HYDIN: variants seen among roughly 807,000 people sequenced by gnomAD.
The protein encoded by HYDIN is axonemal central pair apparatus protein HYDIN.
HYDIN carries 132 observed loss-of-function variants against 403.9 expected under a neutral mutation model. That is an observed-to-expected ratio of 0.33 (90% CI 0.28 to 0.38). The LOEUF (loss-of-function observed/expected upper bound fraction) is 0.38. Among genes scored for constraint, HYDIN ranks in the 10% least tolerant of loss-of-function variants. The pLI is 1.00. For missense variants in HYDIN, 2,827 were observed against 5,009.5 expected (o/e 0.56, Z 13.15); for synonymous variants, 1,202 against 1,891.7 (o/e 0.64, Z 9.46).
chr16:71,219,172 T>C (rs1407675621), intron 1 of HYDIN, among the ~76,000 whole-genome samples: 2 of 152,286 alleles, frequency 1.3e-5, no homozygotes, highest in South Asian at 4.1e-4. Flanking sequence ...TTAGGCAAAG[T>C]TGTTTAACTT....
rs1567633537 is a variant in HYDIN at position 70,807,897 on chromosome 16, GGGGGATGA to G, written c.15041_15048del (p.Ile5014ThrfsTer42). On this transcript the variant is annotated frameshift_variant, in exon 86 of 86. Coordinates refer to ENST00000393567, the MANE Select transcript of HYDIN (RefSeq NM_001270974.2). LOFTEE classifies it high-confidence loss of function. ...TTGGGAGGCAGAGCCATTCCAAAGA[GGGGGATGA>G]TATACTCTCCACCTGCGAGCGATGA... 21 of 1,614,180 alleles carry G rather than the reference GGGGGATGA, an allele frequency of 1.3e-5. No homozygotes were observed. The highest frequency in any genetic ancestry group is 1.4e-5 in the Non-Finnish European group (17 of 1,180,026).
chr16:71,106,402 T>C (rs899382984), intron 10 of HYDIN, among the ~76,000 whole-genome samples: 12 of 152,180 alleles, frequency 7.9e-5, no homozygotes, highest in African/African-American at 2.9e-4. Flanking sequence ...GCCTGAGCTG[T>C]GTACCTTGTA....
intron 60 of HYDIN, among the ~76,000 whole-genome samples, chr16:70,880,996 C>T (rs1337567515): frequency 4.0e-5 from 6 of 148,314 alleles, no homozygotes; most frequent in Admixed American, 2.0e-4. Flanking sequence ...GAGGCTGAGG[C>T]GGGAGGATCG....
chr16:70,847,834 G>C (rs1374612623), intron 75 of HYDIN, among the ~76,000 whole-genome samples: 1 of 151,960 alleles, frequency 6.6e-6, no homozygotes, highest in African/African-American at 2.4e-5. Context: ...TTAAATTTGG[G>C]AAGTTTTAGG....
intron 10 of HYDIN, among the ~76,000 whole-genome samples, chr16:71,115,352 T>G (rs1369777668): frequency 6.6e-6 from 1 of 152,150 alleles, no homozygotes; most frequent in Non-Finnish European, 1.5e-5. Flanking sequence ...TTTCCTGAGG[T>G]CTCCCCAGTC....
intron 11 of HYDIN, 170 bp downstream of exon 11, chr16:71,093,647 G>A (rs1481913773): frequency 1.6e-5 from 7 of 427,762 alleles, no homozygotes; most frequent in Non-Finnish European, 2.8e-5. Context: ...CCCTCATGAT[G>A]GCCAGGCAGG....
intron 1 of HYDIN, among the ~76,000 whole-genome samples, chr16:71,218,655 C>T (rs1170868732): frequency 6.6e-6 from 1 of 152,142 alleles, no homozygotes; most frequent in African/African-American, 2.4e-5. Context: ...CCTTTTCCCT[C>T]CCTGCAATAT....
At chr16:71,220,541 C>G (rs944125774) in intron 1 of HYDIN, among the ~76,000 whole-genome samples, 2 of 152,180 alleles carry the variant, frequency 1.3e-5, no homozygotes, top group African/African-American at 2.4e-5. Flanking sequence ...AGTCACTAGT[C>G]TGCATGTATA....
intron 84 of HYDIN, 115 bp from the exon 85 acceptor site, chr16:70,810,122 AT>A: frequency 1.1e-6 from 1 of 938,134 alleles, no homozygotes; most frequent in Non-Finnish European, 1.7e-6. Flanking sequence ...GCACATGATC[AT>A]GCTGTTCTTG....
chr16:70,978,801 T>C (rs79338879), intron 30 of HYDIN, 113 bp downstream of exon 30: 2 of 829,916 alleles, frequency 2.4e-6, no homozygotes, highest in Non-Finnish European at 3.7e-6. Context: ...AGTGCCCTTC[T>C]GCACACACAC....
chr16:71,032,940 A>C (rs7203379), intron 18 of HYDIN, among the ~76,000 whole-genome samples: 241 of 99,438 alleles, frequency 2.4e-3, no homozygotes, highest in African/African-American at 2.5e-3. Context: ...TCTTTTGACA[A>C]CTTTTATAAT....
intron 19 of HYDIN, among the ~76,000 whole-genome samples, chr16:71,029,865 T>C (rs1475004827): frequency 5.3e-5 from 8 of 152,146 alleles, no homozygotes; most frequent in African/African-American, 1.9e-4. Context: ...TATGACTTGA[T>C]TTCAGGGCCT....
rs750631110 is a variant in HYDIN, at chr16:70,833,868, G to A, written c.13679+19C>T. 8.8e-6 allele frequency: 14 copies of A among 1,596,364 alleles called. No homozygotes were observed. In the South Asian group the frequency reaches 1.4e-4, roughly 15 times the overall value. On this transcript the variant is annotated intron_variant, in intron 79 of 85. Coordinates refer to ENST00000393567, the MANE Select transcript of HYDIN (RefSeq NM_001270974.2). Reference sequence around the variant, plus strand: ...CAGCCTCTGGGGCAGCCTCAGGGTGGGAGACACTGCTCCCTTACCTTGCAC... The same window carrying A: ...CAGCCTCTGGGGCAGCCTCAGGGTGAGAGACACTGCTCCCTTACCTTGCAC...
chr16:71,012,727 A>G (rs2144104368), intron 23 of HYDIN, among the ~76,000 whole-genome samples: 1 of 152,328 alleles, frequency 6.6e-6, no homozygotes, highest in South Asian at 2.1e-4. Context: ...GAAGAATCCT[A>G]ACTGGATAAG....
intron 66 of HYDIN, among the ~76,000 whole-genome samples, chr16:70,867,953 G>A (rs1297635567): frequency 6.6e-6 from 1 of 152,134 alleles, no homozygotes; most frequent in African/African-American, 2.4e-5. Flanking sequence ...ACAGGCATGA[G>A]CCACTGTGCC....
At chr16:70,916,268 G>T (rs1597312058) in intron 47 of HYDIN, among the ~76,000 whole-genome samples, 1 of 152,148 alleles carries the variant, frequency 6.6e-6, no homozygotes, top group Non-Finnish European at 1.5e-5. Context: ...TCCCTGTGAT[G>T]CCAGACAGGA....
intron 18 of HYDIN, among the ~76,000 whole-genome samples, chr16:71,055,964 G>A (rs2144251646): frequency 6.6e-6 from 1 of 152,174 alleles, no homozygotes; most frequent in Non-Finnish European, 1.5e-5. Context: ...CCAGTGCTGA[G>A]GTCCCCAGGG....
At chr16:71,052,493 A>C (rs993919385) in intron 18 of HYDIN, among the ~76,000 whole-genome samples, 2 of 151,318 alleles carry the variant, frequency 1.3e-5, no homozygotes, top group African/African-American at 4.9e-5. Flanking sequence ...GCTGGATTAA[A>C]GACATGAAAA....
At chr16:71,073,794 G>A (rs1039156155) in intron 13 of HYDIN, among the ~76,000 whole-genome samples, 1 of 152,010 alleles carries the variant, frequency 6.6e-6, no homozygotes, top group African/African-American at 2.4e-5. Flanking sequence ...ATTCATCTAT[G>A]CCTCAATGTT....
Sources: gnomAD v4.1 joint callset for allele counts (sites outside exome capture counted in the v4.1 genomes callset) on GRCh38, gnomAD v4.1.1 for gene constraint, MANE v1.5 for transcripts, NCBI Gene and HGNC (gene_info 2026-07-23, HGNC 2026-07-21) for gene names.